COL5A2: variants seen among roughly 807,000 people sequenced by gnomAD.
COL5A2 encodes the protein collagen type V alpha 2 chain.
In COL5A2, 23 loss-of-function variants were observed where a neutral mutation model predicts 208.2. That is an observed-to-expected ratio of 0.11 (90% CI 0.08 to 0.16). The LOEUF is 0.16. Among genes scored for constraint, COL5A2 ranks in the 10% least tolerant of loss-of-function variants. COL5A2 has a pLI of 1.00. For missense variants in COL5A2, 1,590 were observed against 1,956.4 expected, an observed-to-expected ratio of 0.81 and a Z score of 3.53; for synonymous variants, 625 against 628.5, an observed-to-expected ratio of 0.99 and a Z score of 0.08.
At chr2:189,379,792 T>C in the COL5A2 span, among the ~76,000 whole-genome samples, 1 of 152,178 alleles carries the variant, frequency 6.6e-6, no homozygotes, top group Non-Finnish European at 1.5e-5. Flanking sequence ...ACTGTTTTGA[T>C]TTGGGAAACT....
intron 17 of COL5A2, 152 bp from the exon 18 acceptor site, chr2:189,072,245 A>G (rs1012219625): frequency 4.3e-5 from 28 of 644,960 alleles, no homozygotes; most frequent in Non-Finnish European, 7.8e-5. Context: ...TAATTTCATT[A>G]TAAGTACCTT....
At chr2:189,114,499 AAC>A (rs1221751239) in intron 1 of COL5A2, among the ~76,000 whole-genome samples, 1 of 152,190 alleles carries the variant, frequency 6.6e-6, no homozygotes. Flanking sequence ...TATAAATGAC[AAC>A]ACAGTATAAA....
At chr2:189,034,294 C>T in intron 53 of COL5A2, 78 bp from the exon 54 acceptor site, 4 of 1,490,596 alleles carry the variant, frequency 2.7e-6, no homozygotes, top group Non-Finnish European at 2.8e-6. Context: ...TTCCCAGACA[C>T]TTTTATAATG....
chr2:189,174,834 A>C (rs965491982), intron 1 of COL5A2, among the ~76,000 whole-genome samples: 1 of 152,224 alleles, frequency 6.6e-6, no homozygotes, highest in African/African-American at 2.4e-5. Flanking sequence ...ACCAATGTAC[A>C]TATGTAGAAA....
the COL5A2 span, among the ~76,000 whole-genome samples, chr2:189,405,005 C>A: frequency 6.6e-6 from 1 of 152,094 alleles, no homozygotes; most frequent in Non-Finnish European, 1.5e-5. Context: ...GCCTCAATTT[C>A]CTCACCTACA....
intron 1 of COL5A2, among the ~76,000 whole-genome samples, chr2:189,197,655 T>C (rs1689022122): frequency 6.6e-6 from 1 of 151,760 alleles, no homozygotes; most frequent in South Asian, 2.1e-4. Context: ...CAAATGATCG[T>C]TAAACTAAGA....
the COL5A2 span, among the ~76,000 whole-genome samples, chr2:189,282,275 A>ATAAT: frequency 6.6e-6 from 1 of 152,136 alleles, no homozygotes; most frequent in Admixed American, 6.6e-5. Context: ...ATTTGATTAC[A>ATAAT]TAATTTCTAT....
At chr2:189,323,236 G>A in the COL5A2 span, among the ~76,000 whole-genome samples, 5,383 of 151,800 alleles carry the variant, frequency 0.035, 108 homozygotes, top group Admixed American at 0.049. Context: ...CAAAAACTGG[G>A]AGCATTCCCT....
At chr2:189,280,500 T>C in the COL5A2 span, among the ~76,000 whole-genome samples, 1 of 152,140 alleles carries the variant, frequency 6.6e-6, no homozygotes, top group Non-Finnish European at 1.5e-5. Flanking sequence ...TATGAAGGAA[T>C]ATACAATAAG....
At chr2:189,156,866 T>C (rs1688258102) in intron 1 of COL5A2, among the ~76,000 whole-genome samples, 1 of 152,026 alleles carries the variant, frequency 6.6e-6, no homozygotes, top group Non-Finnish European at 1.5e-5. Context: ...GTCTATTCAC[T>C]TTAAGAATTT....
the COL5A2 span, among the ~76,000 whole-genome samples, chr2:189,271,991 A>G: frequency 6.6e-6 from 1 of 152,228 alleles, no homozygotes; most frequent in East Asian, 1.9e-4. Flanking sequence ...AATGGCGATC[A>G]TTAAAAAGTC....
chr2:189,397,958 G>A, the COL5A2 span, among the ~76,000 whole-genome samples: 1 of 151,900 alleles, frequency 6.6e-6, no homozygotes, highest in Non-Finnish European at 1.5e-5. Context: ...GGCTTTATAT[G>A]CATTCCACAA....
At chr2:189,191,151 A>AC (rs1553526725) in intron 1 of COL5A2, among the ~76,000 whole-genome samples, 4 of 66,556 alleles carry the variant, frequency 6.0e-5, no homozygotes, top group African/African-American at 1.2e-4. Context: ...AAAAAAAAAA[A>AC]CAAAAAACAA....
At chr2:189,052,119 G>C (rs138326711) in intron 41 of COL5A2, 53 bp downstream of exon 41, 1 of 1,394,728 alleles carries the variant, frequency 7.2e-7, no homozygotes, top group Non-Finnish European at 1.0e-6. Flanking sequence ...AAATGTATAC[G>C]TGTGTGTGTA....
chr2:189,036,819 G>C lies in COL5A2; in HGVS notation c.3926-16C>G. ...CAGTATTCACCTATTTTTCAAAATA[G>C]AAATTTTACTAAATAAAGACAATCT... On this transcript the variant is annotated splice_polypyrimidine_tract_variant and intron_variant, in intron 51 of 53. Coordinates refer to ENST00000374866, the MANE Select transcript of COL5A2 (RefSeq NM_000393.5). The C allele has an allele frequency of 6.3e-7, 1 of 1,575,448 alleles. No individual in the cohort carries two copies. The highest frequency in any genetic ancestry group is 8.7e-7 in the Non-Finnish European group (1 of 1,149,242).
At chr2:189,386,482 G>A in the COL5A2 span, among the ~76,000 whole-genome samples, 1 of 151,988 alleles carries the variant, frequency 6.6e-6, no homozygotes, top group Non-Finnish European at 1.5e-5. Context: ...TGGTAAGTGG[G>A]ACCTAATTAA....
chr2:189,048,239 G>A lies in COL5A2; in HGVS notation c.3171C>T (p.Thr1057=). 1.9e-6 allele frequency: 3 copies of A among 1,613,854 alleles called. No individual in the cohort carries two copies. The highest frequency in any genetic ancestry group is 2.5e-6 in the Non-Finnish European group (3 of 1,179,936). ...CTCCAACAGCACCATCCCGTCCTGG[G>A]GTACCATCATTGCCAGCTGGACCCT... ...GPEGPAGNDG[T]PGRDGAVGER... The change falls in exon 45 of 54, where the codon ACC becomes ACT. Residue 1057 remains threonine (T), a synonymous_variant. Coordinates refer to ENST00000374866, the MANE Select transcript of COL5A2 (RefSeq NM_000393.5).
chr2:189,335,996 A>G, the COL5A2 span, among the ~76,000 whole-genome samples: 2 of 152,196 alleles, frequency 1.3e-5, no homozygotes, highest in African/African-American at 4.8e-5. Context: ...TGTTAAGAAC[A>G]TTTATCTGAC....
At chr2:189,285,268 G>A in the COL5A2 span, among the ~76,000 whole-genome samples, 1 of 151,990 alleles carries the variant, frequency 6.6e-6, no homozygotes, top group Admixed American at 6.6e-5. Context: ...TTCCCCTAAT[G>A]CCAGACCACA....
Sources: gnomAD v4.1 joint callset for allele counts (sites outside exome capture counted in the v4.1 genomes callset) on GRCh38, gnomAD v4.1.1 for gene constraint, MANE v1.5 for transcripts, NCBI Gene and HGNC (gene_info 2026-07-23, HGNC 2026-07-21) for gene names.